Variants in ARHGEF18 observed in about 807,000 individuals in gnomAD.
ARHGEF18 encodes the protein rho guanine nucleotide exchange factor 18.
In ARHGEF18, 93 loss-of-function variants were observed where a neutral mutation model predicts 155.7. That is an observed-to-expected ratio of 0.60 (90% CI 0.50 to 0.71). The LOEUF is 0.71. ARHGEF18 is among the 30% of genes least tolerant of loss of function. ARHGEF18 has a pLI of 0.00. For missense variants in ARHGEF18, 1,593 were observed against 1,816.1 expected, an observed-to-expected ratio of 0.88 and a Z score of 2.23; for synonymous variants, 742 against 753.1, an observed-to-expected ratio of 0.99 and a Z score of 0.24.
chr19:7,359,813 A>G (rs1417755307), intron 1 of ARHGEF18, among the ~76,000 whole-genome samples: 1 of 151,878 alleles, frequency 6.6e-6, no homozygotes, highest in Non-Finnish European at 1.5e-5. Flanking sequence ...AGTTGAGTTC[A>G]TCATCAGGTC....
At chr19:7,451,306 G>A in intron 16 of ARHGEF18, 40 bp downstream of exon 16, 1 of 1,562,442 alleles carries the variant, frequency 6.4e-7, no homozygotes, top group East Asian at 2.3e-5. Context: ...CCGTGCTGCT[G>A]CAGCACAGGG....
intron 10 of ARHGEF18, among the ~76,000 whole-genome samples, chr19:7,435,895 G>A (rs1974225332): frequency 6.7e-6 from 1 of 150,300 alleles, no homozygotes; most frequent in Non-Finnish European, 1.5e-5. Context: ...GTGCAGTGGG[G>A]CAGTCATAGC....
In ARHGEF18 at chr19:7,409,057, C is replaced by CTT. The variant is rs1013156166; in HGVS notation, c.967+25873_967+25874dup. On this transcript the variant is annotated intron_variant, in intron 10 of 28. Transcript: ENST00000668164. ...CCTGGGCAAGAGCAAGACCCTGTTT[C>CTT]TTTTTTTTTTTTTTTTTTTTGAGTT... Among the ~76,000 whole-genome samples, 840 of 115,524 alleles carry CTT rather than the reference C, an allele frequency of 7.3e-3. 39 individuals carry two copies. The highest frequency in any genetic ancestry group is 0.029 in the African/African-American group (784 of 27,250). 75.8% of individuals were successfully genotyped at this position (115,524 alleles called of 152,430 possible). A position where few individuals can be genotyped will look rare whatever the true frequency, so the allele number is the denominator to read the frequency against.
chr19:7,466,605 C>A (rs1202047214), intron 23 of ARHGEF18, among the ~76,000 whole-genome samples: 1 of 150,958 alleles, frequency 6.6e-6, no homozygotes, highest in Non-Finnish European at 1.5e-5. Flanking sequence ...GAGTTTGCAA[C>A]CAGCCTGGCC....
chr19:7,350,766 GGGTGTGTGTGTGT>G (rs1969136267), intron 1 of ARHGEF18, among the ~76,000 whole-genome samples: 240 of 6,442 alleles, frequency 0.037, 2 homozygotes, highest in African/African-American at 0.088. Flanking sequence ...TTTTTGGGGT[GGGTGTGTGTGTGT>G]GTGTGTGTGT....
Position 7,467,646 on chromosome 19 carries a change from A to G in ARHGEF18, c.3442A>G (p.Thr1148Ala). 1 of 1,516,312 alleles carries G rather than the reference A, an allele frequency of 6.6e-7. No individual in the cohort carries two copies. The highest frequency in any genetic ancestry group is 8.8e-7 in the Non-Finnish European group (1 of 1,139,804). 93.9% of individuals were successfully genotyped at this position (1,516,312 alleles called of 1,614,324 possible). ...ELLRRLKKQNTAPGALPPDTL... is the reference protein window; with the variant it reads ...ELLRRLKKQNAAPGALPPDTL... ...GCTGCGCCGCCTCAAGAAGCAGAAC[A>G]CCGCGCCAGGCGCGCTGCCGCCCGA... is the stretch of plus-strand genomic sequence containing the variant. The change falls in exon 26 of 29, where the codon ACC becomes GCC. Residue 1148 changes from threonine to alanine, a missense_variant. Physicochemically the swap from Thr to Ala is moderately conservative, Grantham distance 58. Transcript: ENST00000668164.
At chr19:7,412,185 G>A (rs1016834385) in intron 10 of ARHGEF18, among the ~76,000 whole-genome samples, 16 of 150,764 alleles carry the variant, frequency 1.1e-4, no homozygotes, top group East Asian at 2.0e-4. Context: ...ACAGGGGCGC[G>A]CCACCACACC....
chr19:7,362,941 TGAC>T (rs1272908133), intron 2 of ARHGEF18, 36 bp downstream of exon 2: 1 of 1,234,272 alleles, frequency 8.1e-7, no homozygotes, highest in African/African-American at 1.6e-5. Context: ...CAGGAGCTGA[TGAC>T]GACAGTGGCA....
chr19:7,393,047 CAAAAAAAA>C (rs60015151), intron 10 of ARHGEF18, among the ~76,000 whole-genome samples: 2,462 of 56,738 alleles, frequency 0.043, 116 homozygotes, highest in East Asian at 0.31. Flanking sequence ...GATCCTGTCT[CAAAAAAAA>C]AAAAAAAAAA....
chr19:7,394,989 T>G (rs925671815), intron 10 of ARHGEF18: 1 of 945,140 alleles, frequency 1.1e-6, no homozygotes, highest in Admixed American at 6.2e-5. Flanking sequence ...CGACGCCCCC[T>G]CACCACGGCT....
At position 7,369,597 on chromosome 19, in the gene ARHGEF18, G is replaced by C. The variant is rs536034491; in HGVS notation, c.16-3215G>C. Reference sequence around the variant, plus strand: ...GTGAATCATGAGGTCAGGAGTTCAAGAGCAGCCTGGCCAAGATGGTGAAAC... The same window carrying C: ...GTGAATCATGAGGTCAGGAGTTCAACAGCAGCCTGGCCAAGATGGTGAAAC... On this transcript the variant is annotated intron_variant, in intron 2 of 28. Transcript: ENST00000668164. 3.9e-5 allele frequency among the ~76,000 whole-genome samples: 6 copies of C among 152,172 alleles called. No individual in the cohort carries two copies. The East Asian group carries it at 1.2e-3, about 30-fold the overall frequency.
intron 8 of ARHGEF18, among the ~76,000 whole-genome samples, chr19:7,381,274 T>C (rs750414156): frequency 5.3e-5 from 8 of 151,610 alleles, no homozygotes; most frequent in South Asian, 2.1e-4. Flanking sequence ...AAAAAGAAAC[T>C]AGAAGGCTTA....
intron 2 of ARHGEF18, among the ~76,000 whole-genome samples, chr19:7,370,900 C>CTT (rs111574229): frequency 1.1e-4 from 16 of 145,642 alleles, no homozygotes; most frequent in East Asian, 4.0e-4. Flanking sequence ...CCACACCCCG[C>CTT]TTTTTTTTTT....
intron 19 of ARHGEF18, 67 bp downstream of exon 19, chr19:7,458,757 C>T: frequency 4.0e-6 from 6 of 1,504,672 alleles, no homozygotes; most frequent in South Asian, 1.3e-5. Context: ...CCCTTGGCTT[C>T]GACCGTTGGC....
rs943413951 is a variant in ARHGEF18 at position 7,462,411 on chromosome 19, G to A, written c.2635+77G>A. On this transcript the variant is annotated intron_variant, in intron 21 of 28. Transcript: ENST00000668164. The surrounding 1 kb of genome is among the most constrained non-coding windows in gnomAD (Gnocchi z 4.4). ...TCAGGGAACCCCAGGCCAGGCTCAC[G>A]GCTCATTGTGGCCGACACGGCACCC... 57 of 1,436,428 alleles carry A rather than the reference G, an allele frequency of 4.0e-5. No homozygotes were observed. The highest frequency in any genetic ancestry group is 2.7e-4 in the East Asian group (11 of 40,476). 89.0% of individuals were successfully genotyped at this position (1,436,428 alleles called of 1,614,324 possible).
At chr19:7,469,196 C>T in intron 27 of ARHGEF18, 65 bp downstream of exon 27, 1 of 1,465,500 alleles carries the variant, frequency 6.8e-7, no homozygotes, top group Non-Finnish European at 9.1e-7. Flanking sequence ...TAGCGGCTCG[C>T]TGGGAGCCAG....
In ARHGEF18 at chr19:7,440,146, TC is replaced by T. The variant is rs1974536697; in HGVS notation, c.968-194del. 1.3e-6 allele frequency: 2 copies of T among 1,550,932 alleles called. No homozygotes were observed. The highest frequency in any genetic ancestry group is 1.4e-5 in the African/African-American group (1 of 72,926). On this transcript the variant is annotated intron_variant, in intron 10 of 28. Coordinates refer to ENST00000668164, the MANE Select transcript of ARHGEF18 (RefSeq NM_001367823.1). The surrounding 1 kb of genome is among the most constrained non-coding windows in gnomAD (Gnocchi z 5.4). ...AAAAGCGGGGACAGGCACAGCGCGC[TC>T]CCCGGCCGCCCCGAGCTGTCTTTTT...
At chr19:7,473,637 C>T (rs987440446), downstream of ARHGEF18, among the ~76,000 whole-genome samples, 1 of 151,996 alleles carries the variant, frequency 6.6e-6, no homozygotes, top group Non-Finnish European at 1.5e-5. Flanking sequence ...AGGTGAAACC[C>T]CGTCTCAACT....
intron 10 of ARHGEF18, among the ~76,000 whole-genome samples, chr19:7,386,260 A>G (rs543013505): frequency 6.8e-6 from 1 of 148,132 alleles, no homozygotes. Flanking sequence ...AAGACAAAGG[A>G]AAAACATGAA....
Sources: allele counts gnomAD v4.1 joint callset (sites outside exome capture counted in the v4.1 genomes callset), GRCh38; gene constraint gnomAD v4.1.1; non-coding constraint Gnocchi (gnomAD v3.1); transcripts MANE v1.5; gene names NCBI Gene and HGNC (gene_info 2026-07-23, HGNC 2026-07-21).